DKK4: variants seen among roughly 807,000 people sequenced by gnomAD.
DKK4 encodes dickkopf-related protein 4.
Under a neutral mutation model 14.5 loss-of-function variants are expected in DKK4, and 15 were observed. The ratio of observed to expected loss-of-function variants is 1.03; its 90% CI spans 0.69 to 1.59. The LOEUF (loss-of-function observed/expected upper bound fraction) is 1.59. DKK4 is among the 40% of genes most tolerant of loss of function. The pLI, the probability that DKK4 is intolerant of heterozygous loss-of-function variation, is 0.00. For missense variants in DKK4, 272 were observed against 280.3 expected (o/e 0.97, Z 0.21); for synonymous variants, 89 against 105.2 (o/e 0.85, Z 0.94).
chr8:42,375,376 A>G (rs545231975), intron 2 of DKK4, among the ~76,000 whole-genome samples: 1 of 152,262 alleles, frequency 6.6e-6, no homozygotes, highest in South Asian at 2.1e-4. Flanking sequence ...CCCTATCTCT[A>G]CTAAAAATAA....
chr8:42,389,766 C>T, the DKK4 span, among the ~76,000 whole-genome samples: 1 of 152,122 alleles, frequency 6.6e-6, no homozygotes, highest in Non-Finnish European at 1.5e-5. Context: ...ATCATATTTG[C>T]TTTTTCTTTT....
At chr8:42,390,662 C>G in the DKK4 span, among the ~76,000 whole-genome samples, 1 of 152,186 alleles carries the variant, frequency 6.6e-6, no homozygotes, top group Non-Finnish European at 1.5e-5. Context: ...TAACCTAGAG[C>G]AGTTCACTAG....
chr8:42,375,702 G>A lies in DKK4; in HGVS notation c.240C>T (p.Cys80=), dbSNP rs779199373. Residue 80 remains cysteine (C), a synonymous_variant, in exon 2 of 4, where the codon TGC becomes TGT. Coordinates refer to ENST00000220812, the MANE Select transcript of DKK4 (RefSeq NM_014420.3). The part of the protein sequence containing the change: ...RRRCQRDAMC[C]PGTLCVNDVC... ...CACCGTTCACACAGAGTGTCCCAGG[G>A]CAGCACATGGCATCTCGCTGGCACC... The A allele has an allele frequency of 2.8e-5, 45 of 1,613,592 alleles. No individual in the cohort carries two copies. The highest frequency in any genetic ancestry group is 3.6e-5 in the Non-Finnish European group (43 of 1,180,006).
chr8:42,374,509 G>T, intron 3 of DKK4, 150 bp from the exon 4 acceptor site: 3 of 1,153,688 alleles, frequency 2.6e-6, no homozygotes, highest in East Asian at 2.4e-5. Context: ...TAGGTGTTAC[G>T]CTAAAAGCAG....
At chr8:42,391,067 A>G in the DKK4 span, among the ~76,000 whole-genome samples, 1 of 152,170 alleles carries the variant, frequency 6.6e-6, no homozygotes, top group Admixed American at 6.5e-5. Context: ...TCTCCTCTAC[A>G]GAAGAGCTTT....
chr8:42,374,761 C>G lies in DKK4; in HGVS notation c.415G>C (p.Gly139Arg), dbSNP rs938204958. ...AATATGCTGCGAATGCTGTTCTTAC[C>G]CTTCCTGCCTTGTGATTTCTTAATA... ...PSIKKSQGRKGQEGESCLRTF... is the reference protein window; with the variant it reads ...PSIKKSQGRKRQEGESCLRTF... The change falls in exon 3 of 4, where the codon GGA becomes CGA. Residue 139 changes from glycine (G) to arginine (R), a missense_variant and splice_region_variant. Physicochemically the swap from Gly to Arg is moderately radical, Grantham distance 125. Coordinates refer to ENST00000220812, the MANE Select transcript of DKK4 (RefSeq NM_014420.3). 1 of 1,613,998 alleles carries G rather than the reference C, an allele frequency of 6.2e-7. No homozygotes were observed. Among genetic ancestry groups the G allele is most frequent in the African/African-American group, 1.3e-5 (1 of 74,884 alleles).
intron 1 of DKK4, among the ~76,000 whole-genome samples, chr8:42,376,165 G>A (rs1176135008): frequency 6.6e-6 from 1 of 152,160 alleles, no homozygotes; most frequent in African/African-American, 2.4e-5. Context: ...CTTAACTCTA[G>A]AAGCTGGCTA....
intron 1 of DKK4, among the ~76,000 whole-genome samples, 172 bp from the exon 2 acceptor site, chr8:42,376,002 T>C (rs1824554842): frequency 6.6e-6 from 1 of 152,238 alleles, no homozygotes; most frequent in Admixed American, 6.5e-5. Context: ...GGGAAGCTCA[T>C]GTCACCCGGG....
chr8:42,383,956 C>A, the DKK4 span, among the ~76,000 whole-genome samples: 5,368 of 152,066 alleles, frequency 0.035, 137 homozygotes, highest in South Asian at 0.11. Context: ...AAAGAAAAAA[C>A]AATCAAGTTG....
intron 1 of DKK4, among the ~76,000 whole-genome samples, 196 bp from the exon 2 acceptor site, chr8:42,376,026 T>C (rs1343732987): frequency 1.3e-5 from 2 of 152,236 alleles, no homozygotes; most frequent in African/African-American, 4.8e-5. Flanking sequence ...ACCTAGGCGC[T>C]GCAAAGGCTA....
upstream of DKK4, among the ~76,000 whole-genome samples, chr8:42,381,849 T>C (rs1281547348): frequency 1.3e-5 from 2 of 151,864 alleles, no homozygotes; most frequent in African/African-American, 2.4e-5. Flanking sequence ...ATACAAAAAT[T>C]AGCTGGGCAT....
chr8:42,379,826 C>T (rs1824638774), upstream of DKK4, among the ~76,000 whole-genome samples: 1 of 152,060 alleles, frequency 6.6e-6, no homozygotes, highest in Non-Finnish European at 1.5e-5. Context: ...TGAGATGAAG[C>T]AAGATGCAGA....
upstream of DKK4, chr8:42,377,347 T>C: frequency 3.2e-6 from 1 of 312,438 alleles, no homozygotes; most frequent in South Asian, 7.5e-5. Flanking sequence ...TGATCAATAG[T>C]TCAAAACAAG....
the DKK4 span, among the ~76,000 whole-genome samples, chr8:42,390,978 T>A: frequency 3.3e-5 from 5 of 152,334 alleles, no homozygotes; most frequent in Admixed American, 2.6e-4. Flanking sequence ...CATTTCAGCC[T>A]GAATCAATTA....
chr8:42,377,071 G>A lies in DKK4; in HGVS notation c.-26C>T. On this transcript the variant is annotated 5_prime_UTR_variant, in exon 1 of 4. Transcript: ENST00000220812. Reference sequence around the variant, plus strand: ...CCTTCAATCCCGGGGCTCCTGGAGGGTCCCAGCACTGTGCGTCACCAAAGC... The same window carrying A: ...CCTTCAATCCCGGGGCTCCTGGAGGATCCCAGCACTGTGCGTCACCAAAGC... 1.9e-6 allele frequency: 3 copies of A among 1,596,476 alleles called. No homozygotes were observed. The highest frequency in any genetic ancestry group is 2.6e-6 in the Non-Finnish European group (3 of 1,168,752).
chr8:42,378,943 C>CAA (rs1166439885), upstream of DKK4, among the ~76,000 whole-genome samples: 1,416 of 49,280 alleles, frequency 0.029, 54 homozygotes, highest in South Asian at 0.15. Context: ...CCTGTCTCCA[C>CAA]AAAAAAAAAA....
the DKK4 span, among the ~76,000 whole-genome samples, chr8:42,388,268 C>T: frequency 1.3e-5 from 2 of 152,184 alleles, no homozygotes; most frequent in African/African-American, 2.4e-5. Flanking sequence ...TTCACTCTGT[C>T]GCCCAGGCTA....
chr8:42,380,748 G>A (rs545620227), upstream of DKK4, among the ~76,000 whole-genome samples: 35 of 135,840 alleles, frequency 2.6e-4, no homozygotes, highest in African/African-American at 8.8e-4. Flanking sequence ...AGAGTGGAAA[G>A]AGAGAGAGAG....
chr8:42,381,346 C>T (rs1824675864), upstream of DKK4, among the ~76,000 whole-genome samples: 1 of 152,126 alleles, frequency 6.6e-6, no homozygotes, highest in Non-Finnish European at 1.5e-5. Context: ...GCTGTCCGCA[C>T]AATCAACTGT....
Sources: allele counts gnomAD v4.1 joint callset (sites outside exome capture counted in the v4.1 genomes callset), GRCh38; gene constraint gnomAD v4.1.1; transcripts MANE v1.5; gene names NCBI Gene and HGNC (gene_info 2026-07-23, HGNC 2026-07-21).